AP1S3: variants seen among roughly 807,000 people sequenced by gnomAD.
The protein encoded by AP1S3 is AP-1 complex subunit sigma-3.
Under a neutral mutation model 20.9 loss-of-function variants are expected in AP1S3, and 10 were observed. The observed-to-expected ratio is 0.48, with a 90% CI of 0.29 to 0.81. The LOEUF (loss-of-function observed/expected upper bound fraction) is 0.81. AP1S3 is among the 30% of genes least tolerant of loss of function. AP1S3 has a pLI of 0.08. For missense variants in AP1S3, 154 were observed against 183.8 expected, an observed-to-expected ratio of 0.84 and a Z score of 0.94; for synonymous variants, 41 against 61.5, an observed-to-expected ratio of 0.67 and a Z score of 1.56.
At chr2:223,767,304 C>T (rs1690509543) in intron 3 of AP1S3, among the ~76,000 whole-genome samples, 1 of 152,192 alleles carries the variant, frequency 6.6e-6, no homozygotes, top group Admixed American at 6.5e-5. Context: ...TTCTCCCTTG[C>T]TCCCCTGATT....
chr2:223,833,639 T>C (rs1692328487), intron 1 of AP1S3, among the ~76,000 whole-genome samples: 1 of 152,156 alleles, frequency 6.6e-6, no homozygotes, highest in Non-Finnish European at 1.5e-5. Flanking sequence ...AAGTCAGGAA[T>C]GAAGCAGCAG....
chr2:223,764,512 T>C (rs1474106030), intron 4 of AP1S3, among the ~76,000 whole-genome samples: 1 of 152,080 alleles, frequency 6.6e-6, no homozygotes, highest in Non-Finnish European at 1.5e-5. Context: ...TCCCACTTTA[T>C]TTTATATAGA....
intron 1 of AP1S3, among the ~76,000 whole-genome samples, chr2:223,811,411 T>C (rs1166860019): frequency 1.3e-5 from 2 of 151,608 alleles, no homozygotes; most frequent in Non-Finnish European, 2.9e-5. Flanking sequence ...CTACTAAAAA[T>C]ACAAAAAATT....
At chr2:223,835,914 G>A (rs1047386401) in intron 1 of AP1S3, among the ~76,000 whole-genome samples, 1 of 152,192 alleles carries the variant, frequency 6.6e-6, no homozygotes, top group Non-Finnish European at 1.5e-5. Flanking sequence ...TTACACTGGT[G>A]GACTGGGCAT....
Position 223,773,264 on chromosome 2 carries a change from C to T in AP1S3, c.291+2637G>A, listed in dbSNP as rs75895164. 2.4e-3 allele frequency: 3,153 copies of T among 1,293,824 alleles called. 66 individuals are homozygous for T. The African/African-American group carries it at 0.043, about 18-fold the overall frequency. 80.1% of individuals were successfully genotyped at this position (1,293,824 alleles called of 1,614,324 possible). ...TCTAGGAAAATACAACAGGTCAAGC[C>T]GGAGTTCAGAAATGAGAAAGAGAAG... is the stretch of plus-strand genomic sequence containing the variant. On this transcript the variant is annotated intron_variant, in intron 3 of 4. Transcript: ENST00000396654.
chr2:223,780,027 T>A (rs1270948531), intron 1 of AP1S3, among the ~76,000 whole-genome samples: 1 of 151,698 alleles, frequency 6.6e-6, no homozygotes, highest in Non-Finnish European at 1.5e-5. Context: ...TGCCACGACA[T>A]AAATCATTAC....
At chr2:223,797,733 T>C (rs1691376826) in intron 1 of AP1S3, among the ~76,000 whole-genome samples, 1 of 151,874 alleles carries the variant, frequency 6.6e-6, no homozygotes, top group South Asian at 2.1e-4. Context: ...ACCTCTTCAC[T>C]CCAGCCTGGG....
At chr2:223,764,214 C>T (rs997866353) in intron 4 of AP1S3, among the ~76,000 whole-genome samples, 2 of 152,138 alleles carry the variant, frequency 1.3e-5, no homozygotes, top group South Asian at 2.1e-4. Context: ...CCACCGCATC[C>T]GGCCAAATGC....
At chr2:223,806,054 C>T (rs551259855) in intron 1 of AP1S3, among the ~76,000 whole-genome samples, 82 of 152,146 alleles carry the variant, frequency 5.4e-4, no homozygotes, top group Non-Finnish European at 7.5e-4. Context: ...ATAAATATAA[C>T]GCCAAACTTG....
intron 3 of AP1S3, chr2:223,773,257 G>A: frequency 1.5e-6 from 2 of 1,292,058 alleles, no homozygotes; most frequent in Non-Finnish European, 2.0e-6. Flanking sequence ...AATACAACAG[G>A]TCAAGCCGGA....
intron 1 of AP1S3, among the ~76,000 whole-genome samples, chr2:223,788,496 G>A (rs1046872888): frequency 1.3e-5 from 2 of 150,828 alleles, no homozygotes; most frequent in Admixed American, 6.6e-5. Context: ...GCTCACGCCT[G>A]TAATCCCAGC....
At chr2:223,784,860 TAAATA>T (rs947224728) in intron 1 of AP1S3, among the ~76,000 whole-genome samples, 1 of 151,930 alleles carries the variant, frequency 6.6e-6, no homozygotes, top group African/African-American at 2.4e-5. Flanking sequence ...AATTAAAAAA[TAAATA>T]AAATATTTCT....
intron 1 of AP1S3, among the ~76,000 whole-genome samples, chr2:223,796,463 C>T (rs1358681629): frequency 6.6e-6 from 1 of 152,112 alleles, no homozygotes; most frequent in Non-Finnish European, 1.5e-5. Context: ...CATCAGTCAC[C>T]TTTCCATTAT....
intron 1 of AP1S3, among the ~76,000 whole-genome samples, chr2:223,797,858 G>A (rs73991868): frequency 0.021 from 3,178 of 152,336 alleles, 108 homozygotes; most frequent in African/African-American, 0.069. Flanking sequence ...CTGTTTGGCT[G>A]CAGGCCTCAT....
intron 1 of AP1S3, among the ~76,000 whole-genome samples, chr2:223,805,442 C>CA (rs894113425): frequency 6.7e-5 from 10 of 148,934 alleles, no homozygotes; most frequent in Middle Eastern, 3.4e-3. Flanking sequence ...AACTCCATCT[C>CA]AAAAAAAAAA....
intron 1 of AP1S3, among the ~76,000 whole-genome samples, chr2:223,827,546 C>G (rs1049895734): frequency 2.0e-5 from 3 of 151,946 alleles, no homozygotes; most frequent in Admixed American, 6.6e-5. Flanking sequence ...CCACACCCAG[C>G]TACATTTTTT....
intron 1 of AP1S3, among the ~76,000 whole-genome samples, chr2:223,825,136 C>A (rs1281076112): frequency 6.6e-6 from 1 of 151,660 alleles, no homozygotes; most frequent in Non-Finnish European, 1.5e-5. Flanking sequence ...GGTGAAACCC[C>A]ATCTCTACTA....
In AP1S3 at chr2:223,758,069, A is replaced by T. The variant is rs1400596813; in HGVS notation, c.*646T>A. 1.0e-6 allele frequency: 1 copy of T among 983,970 alleles called. No individual in the cohort carries two copies. Among genetic ancestry groups the T allele is most frequent in the Admixed American group, 6.2e-5 (1 of 16,256 alleles). The allele number at this position is 983,970 out of a possible 1,614,324, so 61.0% of individuals were successfully genotyped here. Reference sequence around the variant, plus strand: ...AAAAGATAAATTAAAACCTCAGTCAAGATAGCAGCTTCTAAGGCATCAAAA... The same window carrying T: ...AAAAGATAAATTAAAACCTCAGTCATGATAGCAGCTTCTAAGGCATCAAAA... On this transcript the variant is annotated 3_prime_UTR_variant, in exon 5 of 5. Transcript: ENST00000396654.
At chr2:223,799,208 GACACACACACACACACAC>G (rs10527751) in intron 1 of AP1S3, among the ~76,000 whole-genome samples, 47,081 of 145,930 alleles carry the variant, frequency 0.32, 7,778 homozygotes, top group Middle Eastern at 0.41. Flanking sequence ...TTCGGGCCTA[GACACACACACACACACAC>G]ACACACACAC....
Sources: allele counts gnomAD v4.1 joint callset (sites outside exome capture counted in the v4.1 genomes callset), GRCh38; gene constraint gnomAD v4.1.1; transcripts MANE v1.5; gene names NCBI Gene and HGNC (gene_info 2026-07-23, HGNC 2026-07-21).